GPC6: variants seen among roughly 807,000 people sequenced by gnomAD.
GPC6 encodes glypican 6.
In GPC6, 14 loss-of-function variants were observed where a neutral mutation model predicts 55.2. That is an observed-to-expected ratio of 0.25 (90% CI 0.17 to 0.40). The LOEUF is 0.40. GPC6 is among the 10% of genes least tolerant of loss of function. The probability of loss-of-function intolerance (pLI) is 1.00; values close to 1 mark genes in which losing one functional copy is unlikely to be tolerated. For missense variants in GPC6, 641 were observed against 708.5 expected (o/e 0.90, Z 1.08); for synonymous variants, 278 against 259.6 (o/e 1.07, Z -0.68).
chr13:93,375,035 G>A (rs200120457), intron 1 of GPC6, among the ~76,000 whole-genome samples: 101 of 152,056 alleles, frequency 6.6e-4, no homozygotes, highest in Non-Finnish European at 5.1e-4. Flanking sequence ...TCTTCCATTC[G>A]TCTGTCCCTT....
intron 1 of GPC6, among the ~76,000 whole-genome samples, chr13:93,446,645 T>C (rs146085478): frequency 1.1e-3 from 167 of 152,318 alleles, no homozygotes; most frequent in African/African-American, 3.6e-3. Context: ...TCTGTAGTAG[T>C]ATAAATGGAG....
intron 1 of GPC6, among the ~76,000 whole-genome samples, chr13:93,379,461 T>C (rs1019643468): frequency 1.3e-5 from 2 of 152,140 alleles, no homozygotes; most frequent in Middle Eastern, 3.2e-3. Flanking sequence ...ATTATACCAA[T>C]AGATTCATGT....
At chr13:93,869,546 A>C (rs1353902503) in intron 3 of GPC6, among the ~76,000 whole-genome samples, 1 of 151,888 alleles carries the variant, frequency 6.6e-6, no homozygotes, top group African/African-American at 2.4e-5. Context: ...TGTTACTTCT[A>C]AAATACAAAT....
At chr13:94,313,650 A>C (rs1417928519) in intron 6 of GPC6, among the ~76,000 whole-genome samples, 1 of 152,212 alleles carries the variant, frequency 6.6e-6, no homozygotes, top group Non-Finnish European at 1.5e-5. Flanking sequence ...CAACGAAATA[A>C]TGTTATGCAA....
In GPC6 at chr13:93,768,255, T is replaced by C. The variant is rs142699274; in HGVS notation, c.320-61899T>C. ...TGCTTTTCCCACCGTTTAGTGTTGG[T>C]TAATTATTGCCAACCTGTAGAGCAA... On this transcript the variant is annotated intron_variant, in intron 2 of 8. Coordinates refer to ENST00000377047, the MANE Select transcript of GPC6 (RefSeq NM_005708.5). Among the ~76,000 whole-genome samples the C allele has an allele frequency of 3.0e-3, 451 of 152,294 alleles. 1 individual carries two copies. The highest frequency in any genetic ancestry group is 0.01 in the African/African-American group (422 of 41,574).
intron 3 of GPC6, among the ~76,000 whole-genome samples, chr13:93,833,106 A>G (rs57083531): frequency 7.4e-5 from 5 of 67,674 alleles, no homozygotes; most frequent in African/African-American, 4.2e-4. Context: ...TAGGTAGATG[A>G]TAGAGAGAGA....
At chr13:93,992,807 G>A (rs1054023304) in intron 3 of GPC6, among the ~76,000 whole-genome samples, 12 of 152,186 alleles carry the variant, frequency 7.9e-5, no homozygotes, top group Middle Eastern at 6.8e-3. Context: ...TTAAAAGGAC[G>A]GTGTATAGAA....
intron 6 of GPC6, among the ~76,000 whole-genome samples, chr13:94,349,170 G>A (rs547656184): frequency 1.3e-5 from 2 of 152,126 alleles, no homozygotes; most frequent in East Asian, 1.9e-4. Flanking sequence ...GAAACTGCAG[G>A]GTCATCACCA....
In GPC6 at chr13:93,930,275, G is replaced by GTTTTTTTTTTTTTTTTTTTTTTT. The variant is rs35858695; in HGVS notation, c.712-97441_712-97440insTTTTTTTTTTTTTTTTTTTTTTT. Among the ~76,000 whole-genome samples the GTTTTTTTTTTTTTTTTTTTTTTT allele has an allele frequency of 1.3e-4, 16 of 123,840 alleles. 1 individual carries two copies. The highest frequency in any genetic ancestry group is 4.5e-4 in the African/African-American group (14 of 31,294). The allele number at this position is 123,840 out of a possible 152,430, so 81.2% of individuals were successfully genotyped here. On this transcript the variant is annotated intron_variant, in intron 3 of 8. Transcript: ENST00000377047. ...TTTTAAAGGTTATTGGAAACGAAAG[G>GTTTTTTTTTTTTTTTTTTTTTTT]TTTTTTTTTTTTTGTAGACAGAGTC...
intron 4 of GPC6, among the ~76,000 whole-genome samples, chr13:94,127,206 A>C (rs1053615909): frequency 4.6e-5 from 7 of 152,038 alleles, no homozygotes; most frequent in Non-Finnish European, 8.8e-5. Context: ...ATCCATGTAC[A>C]TGGTTGATAG....
intron 2 of GPC6, among the ~76,000 whole-genome samples, chr13:93,577,076 A>G (rs1317751244): frequency 2.0e-5 from 3 of 152,154 alleles, no homozygotes; most frequent in Non-Finnish European, 4.4e-5. Flanking sequence ...TTTTCATATC[A>G]TGAGTCCATT....
At chr13:93,702,698 G>T (rs1287733623) in intron 2 of GPC6, among the ~76,000 whole-genome samples, 4 of 151,934 alleles carry the variant, frequency 2.6e-5, no homozygotes, top group Admixed American at 6.6e-5. Flanking sequence ...GCTCCTCCAT[G>T]ACCACTTGCT....
At chr13:94,249,898 G>A (rs1021271543) in intron 4 of GPC6, among the ~76,000 whole-genome samples, 2 of 152,152 alleles carry the variant, frequency 1.3e-5, no homozygotes, top group Admixed American at 6.5e-5. Flanking sequence ...TGCATCCCAA[G>A]TTAGTAGAAA....
chr13:93,548,016 T>C (rs1874925311), intron 2 of GPC6, among the ~76,000 whole-genome samples: 3 of 152,208 alleles, frequency 2.0e-5, no homozygotes, highest in Admixed American at 2.0e-4. Context: ...ATGTCACTTA[T>C]TGATGAATGT....
intron 6 of GPC6, among the ~76,000 whole-genome samples, chr13:94,370,960 G>C (rs1879515257): frequency 6.6e-6 from 1 of 152,150 alleles, no homozygotes; most frequent in Admixed American, 6.5e-5. Flanking sequence ...TTGTTTACTT[G>C]TGCTTGCTTT....
intron 2 of GPC6, among the ~76,000 whole-genome samples, chr13:93,699,161 A>G (rs1238820267): frequency 6.6e-6 from 1 of 152,134 alleles, no homozygotes; most frequent in Non-Finnish European, 1.5e-5. Context: ...ATACTTTCCT[A>G]TGCATGAGAA....
At chr13:93,411,063 C>G (rs1876476667) in intron 1 of GPC6, among the ~76,000 whole-genome samples, 1 of 152,198 alleles carries the variant, frequency 6.6e-6, no homozygotes, top group South Asian at 2.1e-4. Context: ...TTATCCATCT[C>G]ATGACTGTTG....
intron 1 of GPC6, among the ~76,000 whole-genome samples, chr13:93,396,330 C>T (rs1420355834): frequency 3.3e-5 from 5 of 151,940 alleles, no homozygotes; most frequent in Non-Finnish European, 5.9e-5. Context: ...TTTTGGAGGC[C>T]GAGGTGGGCG....
At chr13:93,688,661 A>G (rs543462424) in intron 2 of GPC6, among the ~76,000 whole-genome samples, 2 of 152,212 alleles carry the variant, frequency 1.3e-5, no homozygotes, top group Admixed American at 1.3e-4. Flanking sequence ...ATGAAAGAAG[A>G]CAGGCATAAA....
Sources: allele counts gnomAD v4.1 joint callset (sites outside exome capture counted in the v4.1 genomes callset), GRCh38; gene constraint gnomAD v4.1.1; transcripts MANE v1.5; gene names NCBI Gene and HGNC (gene_info 2026-07-23, HGNC 2026-07-21).